Variants in SDK1 observed in about 807,000 individuals in gnomAD.
The protein encoded by SDK1 is sidekick cell adhesion molecule 1.
A neutral mutation model predicts 245.5 loss-of-function variants in SDK1; 157 were observed. The observed-to-expected ratio is 0.64, with a 90% CI of 0.56 to 0.73. The LOEUF is 0.73. Ranked by LOEUF, SDK1 falls within the 30% of genes least tolerant of loss-of-function variation. The probability of loss-of-function intolerance (pLI) is 0.00; values close to 1 mark genes in which losing one functional copy is unlikely to be tolerated. For synonymous variants in SDK1, 1,647 were observed against 1,278.5 expected (o/e 1.29, Z -6.15); for missense variants, 3,583 against 3,002.3 (o/e 1.19, Z -4.52).
chr7:3,686,410 G>A (rs1281721044), intron 4 of SDK1, among the ~76,000 whole-genome samples: 1 of 152,266 alleles, frequency 6.6e-6, no homozygotes, highest in Non-Finnish European at 1.5e-5. Context: ...ATGCAGGAGC[G>A]TCTGTATTAA....
chr7:4,089,498 T>C (rs1379628773), intron 22 of SDK1, among the ~76,000 whole-genome samples: 1 of 152,212 alleles, frequency 6.6e-6, no homozygotes, highest in African/African-American at 2.4e-5. Flanking sequence ...TTCAGAGGTT[T>C]TAGTGCTCCA....
At chr7:3,649,298 T>C (rs543984996) in intron 4 of SDK1, among the ~76,000 whole-genome samples, 1 of 152,216 alleles carries the variant, frequency 6.6e-6, no homozygotes. Flanking sequence ...AGAGTTATAA[T>C]TTGTATATAA....
chr7:3,850,477 T>C (rs1321051273), intron 5 of SDK1, among the ~76,000 whole-genome samples: 1 of 152,178 alleles, frequency 6.6e-6, no homozygotes, highest in Non-Finnish European at 1.5e-5. Flanking sequence ...GAACTAGAAA[T>C]ACCATTTGAC....
At chr7:3,347,395 A>G (rs1222293333) in intron 1 of SDK1, among the ~76,000 whole-genome samples, 3 of 152,070 alleles carry the variant, frequency 2.0e-5, no homozygotes, top group African/African-American at 7.2e-5. Flanking sequence ...TGATGTCATA[A>G]AGCTGTTGGT....
At chr7:3,727,905 T>C (rs1333581701) in intron 4 of SDK1, among the ~76,000 whole-genome samples, 3 of 152,338 alleles carry the variant, frequency 2.0e-5, no homozygotes, top group African/African-American at 7.2e-5. Flanking sequence ...CAGGATCCCA[T>C]CCAGGATACC....
chr7:3,375,059 G>A (rs939092759), intron 1 of SDK1, among the ~76,000 whole-genome samples: 1 of 152,104 alleles, frequency 6.6e-6, no homozygotes, highest in African/African-American at 2.4e-5. Flanking sequence ...AGTATTAGTT[G>A]AATAACGTTT....
chr7:3,965,708 T>G (rs182214225), intron 9 of SDK1, among the ~76,000 whole-genome samples: 5 of 151,966 alleles, frequency 3.3e-5, no homozygotes, highest in Non-Finnish European at 7.4e-5. Context: ...AAGGACGAGA[T>G]GACTCCAGCC....
chr7:3,436,457 TTCTAA>T (rs1414548528), intron 1 of SDK1, among the ~76,000 whole-genome samples: 59 of 152,210 alleles, frequency 3.9e-4, no homozygotes, highest in African/African-American at 1.4e-3. Context: ...ATGCTTGTCA[TTCTAA>T]TCTAATGATG....
intron 1 of SDK1, among the ~76,000 whole-genome samples, chr7:3,523,268 C>G (rs1441014814): frequency 6.6e-6 from 1 of 152,136 alleles, no homozygotes; most frequent in Admixed American, 6.5e-5. Flanking sequence ...TCTCAATTAA[C>G]AGTTACAGAT....
rs370707319 is a variant in SDK1 at position 3,969,333 on chromosome 7, G to A, written c.1623G>A (p.Ala541=). 5.6e-5 allele frequency: 91 copies of A among 1,610,860 alleles called. No homozygotes were observed. The highest frequency in any genetic ancestry group is 1.6e-4 in the Middle Eastern group (1 of 6,084). ...TTGAATCGGGGGGTCTACAGATCGC[G>A]CCCGTCTTCATCCAGGATGCCGGCA... ...MLLESGGLQI[A]PVFIQDAGNY... is the part of the protein sequence containing the mutation. The change falls in exon 11 of 45, where the codon GCG becomes GCA. Residue 541 remains alanine, a synonymous_variant. Coordinates refer to ENST00000404826, the MANE Select transcript of SDK1 (RefSeq NM_152744.4).
chr7:4,129,170 G>C (rs1784610989), intron 26 of SDK1, among the ~76,000 whole-genome samples: 2 of 141,414 alleles, frequency 1.4e-5, no homozygotes, highest in Non-Finnish European at 1.5e-5. Context: ...CCCTGGAGGA[G>C]AGCACCTTGG....
At chr7:3,597,877 A>G (rs780498280) in intron 1 of SDK1, among the ~76,000 whole-genome samples, 1 of 152,224 alleles carries the variant, frequency 6.6e-6, no homozygotes. Context: ...GTAGGGCACT[A>G]TAAATAACAG....
intron 1 of SDK1, among the ~76,000 whole-genome samples, chr7:3,584,259 T>G (rs1466571703): frequency 6.6e-6 from 1 of 152,180 alleles, no homozygotes; most frequent in East Asian, 1.9e-4. Flanking sequence ...CAAACGTATT[T>G]GACCATGAGA....
chr7:4,133,969 A>G (rs566396513), intron 28 of SDK1, among the ~76,000 whole-genome samples: 3 of 152,360 alleles, frequency 2.0e-5, no homozygotes, highest in Middle Eastern at 3.4e-3. Flanking sequence ...AGAGTTTCAC[A>G]TCACTAAAAA....
intron 17 of SDK1, among the ~76,000 whole-genome samples, chr7:4,038,674 T>C (rs1452416425): frequency 2.6e-5 from 4 of 152,248 alleles, no homozygotes; most frequent in Non-Finnish European, 2.9e-5. Context: ...GATTCTGCAA[T>C]TGCAGGAGGA....
intron 43 of SDK1, among the ~76,000 whole-genome samples, chr7:4,244,976 A>G (rs557334839): frequency 2.0e-5 from 3 of 152,270 alleles, no homozygotes; most frequent in East Asian, 1.9e-4. Flanking sequence ...GTCCGCCAAG[A>G]TAGGGTCTCC....
At chr7:4,244,088 G>T (rs1438699397) in intron 43 of SDK1, among the ~76,000 whole-genome samples, 1 of 152,158 alleles carries the variant, frequency 6.6e-6, no homozygotes. Flanking sequence ...GAGAAACTGA[G>T]GCACACCCTG....
intron 4 of SDK1, among the ~76,000 whole-genome samples, chr7:3,789,108 C>T (rs1780999402): frequency 6.6e-6 from 1 of 152,130 alleles, no homozygotes; most frequent in South Asian, 2.1e-4. Flanking sequence ...AATAGATTGA[C>T]CCTAGGGAAG....
intron 5 of SDK1, among the ~76,000 whole-genome samples, chr7:3,950,463 G>A (rs745693825): frequency 2.0e-4 from 31 of 152,134 alleles, no homozygotes; most frequent in Non-Finnish European, 1.9e-4. Flanking sequence ...TATTTTGAGA[G>A]ATAGAGAGGG....
Sources: gnomAD v4.1 joint callset for allele counts (sites outside exome capture counted in the v4.1 genomes callset) on GRCh38, gnomAD v4.1.1 for gene constraint, MANE v1.5 for transcripts, NCBI Gene and HGNC (gene_info 2026-07-23, HGNC 2026-07-21) for gene names.